The following CDIN1 variants were observed in gnomAD, a reference collection of about 807,000 sequenced individuals.
CDIN1 encodes the protein CDAN1-interacting nuclease 1.
Under a neutral mutation model 45.3 loss-of-function variants are expected in CDIN1, and 33 were observed. That is an observed-to-expected ratio of 0.73 (90% CI 0.55 to 0.97). The LOEUF (loss-of-function observed/expected upper bound fraction) is 0.97. Ranked by LOEUF, CDIN1 falls within the 50% of genes least tolerant of loss-of-function variation. The pLI is 0.00. For synonymous variants in CDIN1, 118 were observed against 124.4 expected, an observed-to-expected ratio of 0.95 and a Z score of 0.34; for missense variants, 303 against 339.4, an observed-to-expected ratio of 0.89 and a Z score of 0.84.
chr15:36,794,607 ATGT>A (rs922093965), intron 10 of CDIN1, among the ~76,000 whole-genome samples: 1 of 152,094 alleles, frequency 6.6e-6, no homozygotes, highest in Non-Finnish European at 1.5e-5. Context: ...GGGTTCAATC[ATGT>A]TGTAGCATGT....
intron 1 of CDIN1, among the ~76,000 whole-genome samples, chr15:36,605,258 A>G (rs2038306038): frequency 6.6e-6 from 1 of 152,208 alleles, no homozygotes; most frequent in Admixed American, 6.5e-5. Flanking sequence ...TTGACCTACA[A>G]ATTTATAAAC....
chr15:36,717,193 G>A (rs892102602), intron 10 of CDIN1, among the ~76,000 whole-genome samples: 2 of 152,130 alleles, frequency 1.3e-5, no homozygotes, highest in African/African-American at 4.8e-5. Context: ...AACTGACACA[G>A]AATAAACTCA....
intron 1 of CDIN1, among the ~76,000 whole-genome samples, chr15:36,599,495 A>G (rs749340778): frequency 4.6e-5 from 7 of 152,214 alleles, no homozygotes; most frequent in Admixed American, 2.6e-4. Flanking sequence ...TGCTTGATCC[A>G]TGAAATTTTA....
rs966331804 is a variant in CDIN1 at position 36,696,672 on chromosome 15, C to A, written c.477-651C>A. 6.7e-4 allele frequency among the ~76,000 whole-genome samples: 102 copies of A among 152,158 alleles called. 2 individuals are homozygous for A. The highest frequency in any genetic ancestry group is 1.5e-4 in the Non-Finnish European group (10 of 68,020). ...CCTTCCACCTCGGCCTCCAGAGTGGCTGGGGTTATAGGCGCAAGCCACCTT... is the reference window on the plus strand; with the variant it reads ...CCTTCCACCTCGGCCTCCAGAGTGGATGGGGTTATAGGCGCAAGCCACCTT... On this transcript the variant is annotated intron_variant, in intron 7 of 10. Coordinates refer to ENST00000566621, the MANE Select transcript of CDIN1 (RefSeq NM_001321759.2).
At chr15:36,714,409 T>C (rs1242492184) in intron 10 of CDIN1, among the ~76,000 whole-genome samples, 2 of 152,186 alleles carry the variant, frequency 1.3e-5, no homozygotes, top group African/African-American at 4.8e-5. Flanking sequence ...AAGCAGAGGA[T>C]AAACTCTAGT....
chr15:36,688,538 T>C (rs145015597), intron 5 of CDIN1, among the ~76,000 whole-genome samples: 1 of 152,282 alleles, frequency 6.6e-6, no homozygotes, highest in African/African-American at 2.4e-5. Context: ...TCCTGTTCAT[T>C]GTAATCCTGG....
intron 1 of CDIN1, among the ~76,000 whole-genome samples, chr15:36,625,902 A>C (rs2039403164): frequency 6.6e-6 from 1 of 152,162 alleles, no homozygotes; most frequent in African/African-American, 2.4e-5. Flanking sequence ...TCTTAATTTT[A>C]ATATTTAATT....
At chr15:36,798,927 G>C (rs986304978) in intron 10 of CDIN1, 3 of 152,098 alleles carry the variant, frequency 2.0e-5, no homozygotes, top group African/African-American at 4.8e-5. Context: ...TGATTAACTG[G>C]CAAACACCAA....
chr15:36,709,457 C>A (rs908042875), intron 9 of CDIN1, among the ~76,000 whole-genome samples, 169 bp downstream of exon 9: 4 of 152,082 alleles, frequency 2.6e-5, no homozygotes, highest in Non-Finnish European at 5.9e-5. Context: ...GTCTTAAAAT[C>A]TTTTGCATAT....
intron 10 of CDIN1, among the ~76,000 whole-genome samples, chr15:36,765,335 C>G (rs535430858): frequency 2.6e-5 from 4 of 152,192 alleles, no homozygotes; most frequent in Admixed American, 1.3e-4. Flanking sequence ...GGATTACAGG[C>G]GCGAGCCACC....
chr15:36,764,747 C>A (rs1207203362), intron 10 of CDIN1, among the ~76,000 whole-genome samples: 1 of 152,188 alleles, frequency 6.6e-6, no homozygotes, highest in African/African-American at 2.4e-5. Context: ...AAAACTCCAG[C>A]TCCCCTTGCA....
chr15:36,764,960 G>A (rs772311165), intron 10 of CDIN1, among the ~76,000 whole-genome samples: 10 of 152,152 alleles, frequency 6.6e-5, no homozygotes, highest in Non-Finnish European at 1.0e-4. Flanking sequence ...AAGCGAGAAG[G>A]TAGTAGGAAT....
At chr15:36,703,377 T>TCTG (rs1252180044) in intron 8 of CDIN1, among the ~76,000 whole-genome samples, 3 of 27,022 alleles carry the variant, frequency 1.1e-4, no homozygotes, top group African/African-American at 5.2e-4. Flanking sequence ...CTATCATATA[T>TCTG]ATATATATCA....
At chr15:36,609,565 A>G (rs2038549873) in intron 1 of CDIN1, among the ~76,000 whole-genome samples, 1 of 152,194 alleles carries the variant, frequency 6.6e-6, no homozygotes, top group Non-Finnish European at 1.5e-5. Flanking sequence ...CAGGAGTTTG[A>G]GAAAAAACTT....
At chr15:36,639,140 C>T (rs2040009529) in intron 1 of CDIN1, among the ~76,000 whole-genome samples, 1 of 151,484 alleles carries the variant, frequency 6.6e-6, no homozygotes, top group Non-Finnish European at 1.5e-5. Flanking sequence ...TCTTCAGTTT[C>T]CCAGCAAAAG....
chr15:36,686,377 A>G (rs962225837), intron 5 of CDIN1, among the ~76,000 whole-genome samples: 3 of 131,998 alleles, frequency 2.3e-5, no homozygotes, highest in Admixed American at 8.7e-5. Context: ...ACATGGACAC[A>G]GGAAGGGGAA....
chr15:36,759,443 A>G (rs566057221), intron 10 of CDIN1, among the ~76,000 whole-genome samples: 33 of 152,200 alleles, frequency 2.2e-4, no homozygotes, highest in African/African-American at 7.7e-4. Flanking sequence ...TTTCCTCACA[A>G]TTGCTCAGAT....
rs563251818 is a variant in CDIN1 at position 36,595,990 on chromosome 15, A to G, written c.101+16029A>G. Among the ~76,000 whole-genome samples the G allele has an allele frequency of 4.6e-5, 7 of 152,310 alleles. No individual in the cohort carries two copies. In the East Asian group the frequency reaches 1.4e-3, roughly 29 times the overall value. On this transcript the variant is annotated intron_variant, in intron 1 of 10. Transcript: ENST00000566621. ...AATATCTGCTTCAGTAGATTTAATG[A>G]AGAAAATTTAGTTTCCATACTCCGA...
At chr15:36,716,762 C>T (rs1353824009) in intron 10 of CDIN1, among the ~76,000 whole-genome samples, 8 of 152,188 alleles carry the variant, frequency 5.3e-5, no homozygotes, top group Admixed American at 4.6e-4. Flanking sequence ...GCATTCTTAG[C>T]TTATCTGCTT....
Sources: allele counts gnomAD v4.1 joint callset (sites outside exome capture counted in the v4.1 genomes callset), GRCh38; gene constraint gnomAD v4.1.1; transcripts MANE v1.5; gene names NCBI Gene and HGNC (gene_info 2026-07-23, HGNC 2026-07-21).